The following KRIT1 variants were observed in gnomAD, a reference collection of about 807,000 sequenced individuals.
KRIT1 encodes the protein krev interaction trapped protein 1.
Under a neutral mutation model 95.8 loss-of-function variants are expected in KRIT1, and 45 were observed. The ratio of observed to expected loss-of-function variants is 0.47; its 90% CI spans 0.37 to 0.60. The LOEUF (loss-of-function observed/expected upper bound fraction) is 0.60, where lower values mean the gene tolerates loss of function less well. Ranked by LOEUF, KRIT1 falls within the 20% of genes least tolerant of loss-of-function variation. The pLI, the probability that KRIT1 is intolerant of heterozygous loss-of-function variation, is 0.00. For synonymous variants in KRIT1, 282 were observed against 278.8 expected (o/e 1.01, Z -0.11); for missense variants, 788 against 877.5 (o/e 0.90, Z 1.29).
chr7:92,234,607 G>T lies in KRIT1; in HGVS notation c.846-15C>A, dbSNP rs527439925. 3.7e-6 allele frequency: 6 copies of T among 1,606,906 alleles called. No individual in the cohort carries two copies. The highest frequency in any genetic ancestry group is 1.3e-5 in the African/African-American group (1 of 74,830). ...ACTGTCGTTCCCTAATCATTAAAAA[G>T]AAATTTTGAAAAATACAACAGGACT... On this transcript the variant is annotated splice_polypyrimidine_tract_variant and intron_variant, in intron 9 of 18. Coordinates refer to ENST00000394505, the MANE Select transcript of KRIT1 (RefSeq NM_194454.3).
At chr7:92,232,652 C>G (rs1322861421) in intron 10 of KRIT1, among the ~76,000 whole-genome samples, 1 of 152,036 alleles carries the variant, frequency 6.6e-6, no homozygotes, top group African/African-American at 2.4e-5. Context: ...GAACTATATT[C>G]TCTACCTCTT....
At chr7:92,232,250 G>A (rs1797453035) in intron 10 of KRIT1, among the ~76,000 whole-genome samples, 2 of 152,090 alleles carry the variant, frequency 1.3e-5, no homozygotes, top group African/African-American at 4.8e-5. Context: ...TAAAAGCCAA[G>A]ATTTATTGAG....
At chr7:92,231,098 T>C (rs1391229040) in intron 10 of KRIT1, among the ~76,000 whole-genome samples, 3 of 152,108 alleles carry the variant, frequency 2.0e-5, no homozygotes, top group African/African-American at 4.8e-5. Flanking sequence ...CTGATTTGAT[T>C]CAAAATAGAG....
chr7:92,210,091 A>G (rs1469062209), intron 17 of KRIT1, among the ~76,000 whole-genome samples: 2 of 152,162 alleles, frequency 1.3e-5, no homozygotes, highest in Non-Finnish European at 2.9e-5. Context: ...TCAATCAATC[A>G]ATAAAAATAA....
In KRIT1 at chr7:92,213,971, T is replaced by C. The variant is rs781205082; in HGVS notation, c.1739A>G (p.Asn580Ser). Reference sequence around the variant, plus strand: ...GGTAACAGGTACGATGGATTTTAGATTTTCTTCACTGTAAGCACACATGCC... The same window carrying C: ...GGTAACAGGTACGATGGATTTTAGACTTTCTTCACTGTAAGCACACATGCC... ...KHKQGFLNEE[N>S]LKSIVPVTKL... Residue 580 changes from asparagine to serine, a missense_variant, in exon 16 of 19, where the codon AAT becomes AGT. Around this residue, in one of 3 missense-constraint regions of KRIT1, gnomAD observed 493 missense variants for 582.3 expected, o/e 0.85. Coordinates refer to ENST00000394505, the MANE Select transcript of KRIT1 (RefSeq NM_194454.3). 1.9e-6 allele frequency: 3 copies of C among 1,600,138 alleles called. No individual in the cohort carries two copies. Among genetic ancestry groups the C allele is most frequent in the Non-Finnish European group, 2.6e-6 (3 of 1,167,614 alleles).
intron 17 of KRIT1, among the ~76,000 whole-genome samples, chr7:92,204,753 T>C (rs888503350): frequency 2.6e-5 from 4 of 152,096 alleles, no homozygotes; most frequent in African/African-American, 4.8e-5. Flanking sequence ...TAAATACAGA[T>C]GAAGCTTTGC....
chr7:92,222,836 C>G lies in KRIT1; in HGVS notation c.1397G>C (p.Cys466Ser), dbSNP rs1450158678. 1.2e-6 allele frequency: 2 copies of G among 1,605,838 alleles called. No homozygotes were observed. Among genetic ancestry groups the G allele is most frequent in the Non-Finnish European group, 1.7e-6 (2 of 1,172,708 alleles). Reference sequence around the variant, plus strand: ...AACTTTCTTACTGAGGTTTTCTGAACAAATCCATATAGTGAAATATTGCTG... The same window carrying G: ...AACTTTCTTACTGAGGTTTTCTGAAGAAATCCATATAGTGAAATATTGCTG... ...ETQQYFTIWI[C>S]SENLSLQLKP... Residue 466 changes from cysteine (C) to serine (S), a missense_variant, in exon 13 of 19, where the codon TGT (cysteine) becomes TCT (serine). Around this residue, in one of 3 missense-constraint regions of KRIT1, gnomAD observed 493 missense variants for 582.3 expected, o/e 0.85. Coordinates refer to ENST00000394505, the MANE Select transcript of KRIT1 (RefSeq NM_194454.3).
chr7:92,213,521 TTATG>T, intron 16 of KRIT1, 120 bp from the exon 17 acceptor site: 1 of 676,782 alleles, frequency 1.5e-6, no homozygotes, highest in Non-Finnish European at 2.5e-6. Context: ...AAGAATAAAA[TTATG>T]GCACATTGTA....
chr7:92,220,331 C>T (rs988800425), intron 14 of KRIT1, among the ~76,000 whole-genome samples: 3 of 152,136 alleles, frequency 2.0e-5, no homozygotes, highest in Non-Finnish European at 2.9e-5. Context: ...GATTCTAACA[C>T]ATTTTTAACA....
rs1428329882 is a variant in KRIT1 at position 92,216,960 on chromosome 7, G to GTAA, written c.1564-2186_1564-2184dup. 2.6e-5 allele frequency among the ~76,000 whole-genome samples: 4 copies of GTAA among 152,234 alleles called. No homozygotes were observed. In the East Asian group the frequency reaches 7.7e-4, roughly 29 times the overall value. On this transcript the variant is annotated intron_variant, in intron 14 of 18. Coordinates refer to ENST00000394505, the MANE Select transcript of KRIT1 (RefSeq NM_194454.3). Reference sequence around the variant, plus strand: ...AAAAGGATGATGCTAAACAGTAAGTGTAATTCTGTTTTTCAGATGGTACAA... The same window carrying GTAA: ...AAAAGGATGATGCTAAACAGTAAGTGTAATAATTCTGTTTTTCAGATGGTACAA...
At chr7:92,201,218 C>A in intron 18 of KRIT1, 89 bp downstream of exon 18, 2 of 757,140 alleles carry the variant, frequency 2.6e-6, no homozygotes, top group Non-Finnish European at 4.7e-6. Context: ...ACAGGTTTTC[C>A]TTGAAGTTAA....
rs763453434 is a variant in KRIT1, at chr7:92,226,602, G to C, written c.1070C>G (p.Ser357Cys). The C allele has an allele frequency of 6.2e-6, 10 of 1,611,128 alleles. No individual in the cohort carries two copies. The South Asian group carries it at 9.9e-5, about 16-fold the overall frequency. Residue 357 changes from serine to cysteine, a missense_variant, in exon 11 of 19, where the codon TCT becomes TGT. Physicochemically the swap from Ser to Cys is moderately radical, Grantham distance 112. Coordinates refer to ENST00000394505, the MANE Select transcript of KRIT1 (RefSeq NM_194454.3). Reference protein sequence around the residue: ...NPNLLNGQLSSPLHFAAGGGH... With the variant: ...NPNLLNGQLSCPLHFAAGGGH... ...TCCTCCAGCAGCAAAATGAAGAGGA[G>C]AACTAAGTTGTCCATTTAAAAGGTT...
chr7:92,232,739 G>T (rs1230385758), intron 10 of KRIT1, among the ~76,000 whole-genome samples: 1 of 151,992 alleles, frequency 6.6e-6, no homozygotes, highest in Non-Finnish European at 1.5e-5. Context: ...TGTTGCCCAG[G>T]CTGGAGTGCA....
At chr7:92,218,582 GT>G (rs1794479566) in intron 14 of KRIT1, among the ~76,000 whole-genome samples, 1 of 151,858 alleles carries the variant, frequency 6.6e-6, no homozygotes, top group East Asian at 1.9e-4. Context: ...GTCTCACTAT[GT>G]TGCCCAGGCA....
chr7:92,214,692 T>C lies in KRIT1; in HGVS notation c.1649A>G (p.Lys550Arg). ...LKGFYTAPDA[K>R]LITLASLLLQ... Reference sequence around the variant, plus strand: ...AAGCAGACTTGCCAATGTTATCAGCTTAGCATCAGGAGCTGTATAAAAGCC... The same window carrying C: ...AAGCAGACTTGCCAATGTTATCAGCCTAGCATCAGGAGCTGTATAAAAGCC... The change falls in exon 15 of 19, where the codon AAG becomes AGG. Residue 550 changes from lysine (K) to arginine (R), a missense_variant. Lys to Arg is a conservative substitution (Grantham distance 26). Around this residue, in one of 3 missense-constraint regions of KRIT1, gnomAD observed 493 missense variants for 582.3 expected, o/e 0.85. Coordinates refer to ENST00000394505, the MANE Select transcript of KRIT1 (RefSeq NM_194454.3). The C allele has an allele frequency of 6.2e-7, 1 of 1,610,478 alleles. No homozygotes were observed. The highest frequency in any genetic ancestry group is 8.5e-7 in the Non-Finnish European group (1 of 1,176,746).
chr7:92,217,833 C>T (rs1252494414), intron 14 of KRIT1, among the ~76,000 whole-genome samples: 2 of 152,154 alleles, frequency 1.3e-5, no homozygotes, highest in African/African-American at 4.8e-5. Context: ...TGAAGAACCA[C>T]TGTTTTCCAC....
intron 17 of KRIT1, among the ~76,000 whole-genome samples, chr7:92,209,476 A>C (rs983479328): frequency 1.3e-5 from 2 of 152,224 alleles, no homozygotes; most frequent in African/African-American, 4.8e-5. Context: ...TCTACCAAAA[A>C]ACTAACAGAA....
At chr7:92,201,925 G>T (rs1037978083) in intron 17 of KRIT1, among the ~76,000 whole-genome samples, 1 of 152,186 alleles carries the variant, frequency 6.6e-6, no homozygotes, top group Non-Finnish European at 1.5e-5. Flanking sequence ...ACTCTCAGGA[G>T]AGTGCTGTGA....
chr7:92,221,922 G>C lies in KRIT1; in HGVS notation c.1543C>G (p.Pro515Ala). ...QLFLRRDVRL[P>A]LEVEKQIEDP... ...CAAACCTGTTTTTCAACTTCCAAGG[G>C]AAGTCTCACATCTCTTCTTAGAAAA... is the stretch of plus-strand genomic sequence containing the variant. Residue 515 changes from proline (P) to alanine (A), a missense_variant, in exon 14 of 19, where the codon CCC (proline) becomes GCC (alanine). Coordinates refer to ENST00000394505, the MANE Select transcript of KRIT1 (RefSeq NM_194454.3). 1 of 1,613,792 alleles carries C rather than the reference G, an allele frequency of 6.2e-7. No individual in the cohort carries two copies. Among genetic ancestry groups the C allele is most frequent in the Admixed American group, 1.7e-5 (1 of 60,020 alleles).
Sources: gnomAD v4.1 joint callset for allele counts (sites outside exome capture counted in the v4.1 genomes callset) on GRCh38, gnomAD v4.1.1 for gene constraint, gnomAD v4.1.1 regional missense constraint, MANE v1.5 for transcripts, NCBI Gene and HGNC (gene_info 2026-07-23, HGNC 2026-07-21) for gene names.